GRID2: variants seen among roughly 807,000 people sequenced by gnomAD.
GRID2 encodes the protein glutamate ionotropic receptor delta type subunit 2, also known as glutamate receptor ionotropic, delta-2.
GRID2 carries 33 observed loss-of-function variants against 114.8 expected under a neutral mutation model. The ratio of observed to expected loss-of-function variants is 0.29; its 90% CI spans 0.22 to 0.38. GRID2 has a LOEUF of 0.38. Among genes scored for constraint, GRID2 ranks in the 10% least tolerant of loss-of-function variants. GRID2 has a pLI of 1.00. For synonymous variants in GRID2, 505 were observed against 449.9 expected, an observed-to-expected ratio of 1.12 and a Z score of -1.55; for missense variants, 1,184 against 1,257.7, an observed-to-expected ratio of 0.94 and a Z score of 0.89.
In GRID2 at chr4:92,722,872, T is replaced by C. The variant is rs936324903; in HGVS notation, c.244+132586T>C. Among the ~76,000 whole-genome samples, 5 of 93,838 alleles carry C rather than the reference T, an allele frequency of 5.3e-5. No homozygotes were observed. The Admixed American group carries it at 5.4e-4, about 10-fold the overall frequency. 61.6% of individuals were successfully genotyped at this position (93,838 alleles called of 152,430 possible). A position where few individuals can be genotyped will look rare whatever the true frequency, so the allele number is the denominator to read the frequency against. On this transcript the variant is annotated intron_variant, in intron 2 of 15. Coordinates refer to ENST00000282020, the MANE Select transcript of GRID2 (RefSeq NM_001510.4). ...GTTGATGATTATGATTAGTTCTTATTGAACATTTATAATAATAATAGAAAA... is the reference window on the plus strand; with the variant it reads ...GTTGATGATTATGATTAGTTCTTATCGAACATTTATAATAATAATAGAAAA...
intron 1 of GRID2, among the ~76,000 whole-genome samples, chr4:92,394,377 A>G (rs1730392720): frequency 6.6e-6 from 1 of 152,042 alleles, no homozygotes; most frequent in Admixed American, 6.6e-5. Context: ...ATAAAACTTT[A>G]CCGTTCAATA....
intron 2 of GRID2, among the ~76,000 whole-genome samples, chr4:92,797,509 G>A (rs1328564906): frequency 6.6e-6 from 1 of 151,692 alleles, no homozygotes; most frequent in Non-Finnish European, 1.5e-5. Flanking sequence ...CTAAATGTAT[G>A]CACATGTTTT....
intron 3 of GRID2, among the ~76,000 whole-genome samples, chr4:93,086,802 A>G (rs1730362493): frequency 6.6e-6 from 1 of 152,178 alleles, no homozygotes; most frequent in South Asian, 2.1e-4. Flanking sequence ...TATTTAGTGA[A>G]CATAATAAAC....
At chr4:92,885,977 T>A (rs990697266) in intron 2 of GRID2, among the ~76,000 whole-genome samples, 1 of 152,238 alleles carries the variant, frequency 6.6e-6, no homozygotes, top group Non-Finnish European at 1.5e-5. Flanking sequence ...AACTGAATTT[T>A]AAGCTAAATG....
At chr4:93,149,566 A>C in intron 4 of GRID2, among the ~76,000 whole-genome samples, 1 of 126,906 alleles carries the variant, frequency 7.9e-6, no homozygotes, top group African/African-American at 3.0e-5. Flanking sequence ...ACAAAGCAAG[A>C]CTCCATCAAA....
At chr4:92,913,400 T>C (rs149477037) in intron 2 of GRID2, among the ~76,000 whole-genome samples, 2,559 of 152,028 alleles carry the variant, frequency 0.017, 34 homozygotes, top group Non-Finnish European at 0.022. Context: ...TTTTGTCTGA[T>C]AACAACCTAC....
intron 13 of GRID2, among the ~76,000 whole-genome samples, chr4:93,579,991 CA>C (rs1412582587): frequency 6.6e-6 from 1 of 152,156 alleles, no homozygotes; most frequent in East Asian, 1.9e-4. Flanking sequence ...TAAGGCTCTC[CA>C]AAAATTATTT....
At chr4:93,543,633 A>G (rs1355458672) in intron 13 of GRID2, among the ~76,000 whole-genome samples, 1 of 152,056 alleles carries the variant, frequency 6.6e-6, no homozygotes, top group East Asian at 1.9e-4. Context: ...TGAGAATATC[A>G]AACGGCCTGG....
At chr4:92,639,915 A>G (rs977305862) in intron 2 of GRID2, among the ~76,000 whole-genome samples, 3 of 151,958 alleles carry the variant, frequency 2.0e-5, no homozygotes, top group East Asian at 3.9e-4. Flanking sequence ...GCATTTAACT[A>G]CTAAAGACAT....
At chr4:93,174,455 A>G (rs1000140789) in intron 4 of GRID2, among the ~76,000 whole-genome samples, 15 of 152,256 alleles carry the variant, frequency 9.9e-5, no homozygotes, top group African/African-American at 3.1e-4. Flanking sequence ...GTAATAATCC[A>G]TGTAGTCCAA....
chr4:92,795,703 T>C (rs1353391685), intron 2 of GRID2, among the ~76,000 whole-genome samples: 1 of 152,044 alleles, frequency 6.6e-6, no homozygotes, highest in African/African-American at 2.4e-5. Flanking sequence ...AAAAATAGTC[T>C]TGAATAATTG....
At chr4:92,602,200 AT>A (rs1315721341) in intron 2 of GRID2, among the ~76,000 whole-genome samples, 10 of 150,040 alleles carry the variant, frequency 6.7e-5, no homozygotes, top group African/African-American at 2.4e-4. Context: ...CTTGCCAGAG[AT>A]TTAAAAAAAA....
At chr4:93,336,009 T>A (rs2149238493) in intron 8 of GRID2, among the ~76,000 whole-genome samples, 1 of 152,286 alleles carries the variant, frequency 6.6e-6, no homozygotes, top group East Asian at 1.9e-4. Flanking sequence ...CAAAGTAATT[T>A]TTTCTCTAAA....
Position 93,651,197 on chromosome 4 carries a change from A to G in GRID2, c.2360+24762A>G, listed in dbSNP as rs552252923. Among the ~76,000 whole-genome samples, 7 of 152,274 alleles carry G rather than the reference A, an allele frequency of 4.6e-5. 1 individual carries two copies. The highest frequency in any genetic ancestry group is 1.7e-4 in the African/African-American group (7 of 41,566). ...TATCTTTTGTCAACATTGAAAATCC[A>G]TCTTATCCCTCACAGCAAACAACCA... is the stretch of plus-strand genomic sequence containing the variant. On this transcript the variant is annotated intron_variant, in intron 14 of 15. Coordinates refer to ENST00000282020, the MANE Select transcript of GRID2 (RefSeq NM_001510.4).
At chr4:93,591,950 T>A (rs1440654681) in intron 13 of GRID2, among the ~76,000 whole-genome samples, 1 of 152,130 alleles carries the variant, frequency 6.6e-6, no homozygotes, top group Admixed American at 6.6e-5. Context: ...TTTCTCTTTT[T>A]TTCTTTATTA....
intron 2 of GRID2, among the ~76,000 whole-genome samples, chr4:92,604,159 A>G (rs1310602466): frequency 6.6e-6 from 1 of 152,202 alleles, no homozygotes; most frequent in Non-Finnish European, 1.5e-5. Flanking sequence ...AACCAGAAAT[A>G]CCATTTAACC....
At chr4:92,802,285 C>T (rs1740209681) in intron 2 of GRID2, among the ~76,000 whole-genome samples, 1 of 151,902 alleles carries the variant, frequency 6.6e-6, no homozygotes, top group South Asian at 2.1e-4. Flanking sequence ...GATGTACTTA[C>T]ATTGACACAT....
intron 1 of GRID2, among the ~76,000 whole-genome samples, chr4:92,571,680 T>G (rs1727630839): frequency 6.6e-6 from 1 of 152,012 alleles, no homozygotes; most frequent in African/African-American, 2.4e-5. Flanking sequence ...TATAACAAAC[T>G]GTCTCTCAGA....
chr4:92,934,689 G>C (rs1210874660), intron 2 of GRID2, among the ~76,000 whole-genome samples: 3 of 146,424 alleles, frequency 2.0e-5, no homozygotes, highest in African/African-American at 4.9e-5. Context: ...CCAAAACAGA[G>C]ATATAGATCA....
Sources: gnomAD v4.1 joint callset for allele counts (sites outside exome capture counted in the v4.1 genomes callset) on GRCh38, gnomAD v4.1.1 for gene constraint, MANE v1.5 for transcripts, NCBI Gene and HGNC (gene_info 2026-07-23, HGNC 2026-07-21) for gene names.